The following CACNA2D3 variants were observed in gnomAD, a reference collection of about 807,000 sequenced individuals.
CACNA2D3 encodes voltage-dependent calcium channel subunit alpha-2/delta-3.
In CACNA2D3, 60 loss-of-function variants were observed where a neutral mutation model predicts 160.6. The ratio of observed to expected loss-of-function variants is 0.37; its 90% CI spans 0.30 to 0.46. CACNA2D3 has a LOEUF of 0.46. CACNA2D3 is among the 20% of genes least tolerant of loss of function. The pLI, the probability that CACNA2D3 is intolerant of heterozygous loss-of-function variation, is 1.00. For missense variants in CACNA2D3, 1,205 were observed against 1,365.0 expected, an observed-to-expected ratio of 0.88 and a Z score of 1.85; for synonymous variants, 558 against 492.9, an observed-to-expected ratio of 1.13 and a Z score of -1.75.
rs182795725 is a variant in CACNA2D3, at chr3:54,828,201, T to C, written c.1399-8958T>C. On this transcript the variant is annotated intron_variant, in intron 14 of 37. Coordinates refer to ENST00000474759, the MANE Select transcript of CACNA2D3 (RefSeq NM_018398.3). ...TTGCCTGTGTTTTCAGGGCATCTAC[T>C]TGGAGGTGTCTAAACCACGTTTGTG... 2.4e-4 allele frequency among the ~76,000 whole-genome samples: 37 copies of C among 152,310 alleles called. 1 individual carries two copies. In the East Asian group the frequency reaches 7.2e-3, roughly 29 times the overall value.
intron 27 of CACNA2D3, among the ~76,000 whole-genome samples, chr3:54,904,404 A>C (rs1203202457): frequency 1.3e-5 from 2 of 152,092 alleles, no homozygotes; most frequent in African/African-American, 4.8e-5. Flanking sequence ...CCCCTCCTCA[A>C]ATCGTCTGTC....
At chr3:54,363,948 G>C (rs1392590912) in intron 3 of CACNA2D3, among the ~76,000 whole-genome samples, 1 of 152,280 alleles carries the variant, frequency 6.6e-6, no homozygotes, top group Middle Eastern at 3.4e-3. Flanking sequence ...ATCCCACAGA[G>C]ACTGATGGAC....
intron 4 of CACNA2D3, among the ~76,000 whole-genome samples, chr3:54,497,878 T>C (rs905582636): frequency 6.6e-6 from 1 of 151,962 alleles, no homozygotes; most frequent in Non-Finnish European, 1.5e-5. Context: ...CTTTGTTCTG[T>C]TGATGTGGTG....
chr3:54,694,253 A>G (rs552969780), intron 11 of CACNA2D3, among the ~76,000 whole-genome samples: 1 of 152,220 alleles, frequency 6.6e-6, no homozygotes, highest in African/African-American at 2.4e-5. Context: ...TTCAGTAGTC[A>G]CATGCTGTAC....
chr3:54,626,856 G>A (rs1415727063), intron 9 of CACNA2D3, among the ~76,000 whole-genome samples: 1 of 152,170 alleles, frequency 6.6e-6, no homozygotes, highest in Non-Finnish European at 1.5e-5. Flanking sequence ...CTGGGCATGA[G>A]CCTGAATTCG....
intron 3 of CACNA2D3, among the ~76,000 whole-genome samples, chr3:54,378,935 A>C (rs894191490): frequency 1.3e-5 from 2 of 152,212 alleles, no homozygotes; most frequent in African/African-American, 4.8e-5. Context: ...ACGGGTATTA[A>C]TTTAATCAGC....
intron 35 of CACNA2D3, among the ~76,000 whole-genome samples, chr3:55,029,173 T>C (rs574524881): frequency 6.6e-6 from 1 of 152,264 alleles, no homozygotes; most frequent in East Asian, 1.9e-4. Flanking sequence ...ATGGATCCAT[T>C]GCACAATAGG....
At chr3:54,839,421 A>T (rs1056289026) in intron 16 of CACNA2D3, among the ~76,000 whole-genome samples, 57 of 152,180 alleles carry the variant, frequency 3.7e-4, no homozygotes, top group Non-Finnish European at 1.3e-4. Flanking sequence ...CTCTAAATGT[A>T]GGCATGAGCA....
rs140732966 is a variant in CACNA2D3, at chr3:54,618,352, C to CATATATATATATATAT, written c.964-9428_964-9413dup. Among the ~76,000 whole-genome samples, 89 of 119,884 alleles carry CATATATATATATATAT rather than the reference C, an allele frequency of 7.4e-4. 2 individuals carry two copies. The highest frequency in any genetic ancestry group is 1.5e-3 in the African/African-American group (47 of 31,204). 78.6% of individuals were successfully genotyped at this position (119,884 alleles called of 152,430 possible). A position where few individuals can be genotyped will look rare whatever the true frequency, so the allele number is the denominator to read the frequency against. On this transcript the variant is annotated intron_variant, in intron 9 of 37. Transcript: ENST00000474759. ...AAGTTCAAATTGATGTTGATACATA[C>CATATATATATATATAT]ATATATATATATATATATATATGCA...
At chr3:54,947,288 G>C (rs1575399157) in intron 27 of CACNA2D3, among the ~76,000 whole-genome samples, 1 of 152,080 alleles carries the variant, frequency 6.6e-6, no homozygotes, top group East Asian at 1.9e-4. Context: ...TTTTCCAGTA[G>C]ACCAAGAAAC....
chr3:54,829,885 CTTTTTTTTTTTTTTTT>C (rs58291013), intron 14 of CACNA2D3, among the ~76,000 whole-genome samples: 6 of 64,352 alleles, frequency 9.3e-5, no homozygotes, highest in Non-Finnish European at 1.7e-4. Context: ...TCTTCTTCAT[CTTTTTTTTTTTTTTTT>C]TTTTTTTTTT....
chr3:54,713,379 G>A (rs1278159359), intron 11 of CACNA2D3, among the ~76,000 whole-genome samples: 1 of 152,164 alleles, frequency 6.6e-6, no homozygotes, highest in Non-Finnish European at 1.5e-5. Flanking sequence ...TAACAAGAAT[G>A]AAATAAACTG....
intron 10 of CACNA2D3, among the ~76,000 whole-genome samples, chr3:54,636,134 A>T (rs1422923006): frequency 2.6e-5 from 4 of 151,868 alleles, no homozygotes; most frequent in South Asian, 2.1e-4. Context: ...GATTTCCACG[A>T]TGGAAAGGAA....
Position 54,778,371 on chromosome 3 carries a change from C to T in CACNA2D3, c.1380+14020C>T, listed in dbSNP as rs190460448. 2.2e-3 allele frequency among the ~76,000 whole-genome samples: 331 copies of T among 152,126 alleles called. 3 individuals carry two copies. Among genetic ancestry groups the T allele is most frequent in the Non-Finnish European group, 2.2e-3 (152 of 67,978 alleles). On this transcript the variant is annotated intron_variant, in intron 13 of 37. Coordinates refer to ENST00000474759, the MANE Select transcript of CACNA2D3 (RefSeq NM_018398.3). Reference sequence around the variant, plus strand: ...CTCACACATTTATAGTCTCTAGAACCAGCCCTGTATTCTCTCACACCGAGA... The same window carrying T: ...CTCACACATTTATAGTCTCTAGAACTAGCCCTGTATTCTCTCACACCGAGA...
intron 2 of CACNA2D3, among the ~76,000 whole-genome samples, chr3:54,133,177 T>C (rs902441602): frequency 6.6e-6 from 1 of 152,198 alleles, no homozygotes; most frequent in Non-Finnish European, 1.5e-5. Flanking sequence ...ATAATAATAA[T>C]GATGCAGGCG....
At chr3:54,789,969 A>C (rs1702718143) in intron 13 of CACNA2D3, 1 of 425,070 alleles carries the variant, frequency 2.4e-6, no homozygotes, top group Admixed American at 2.7e-5. Flanking sequence ...ATATGGAGCT[A>C]TTCGAGAAAG....
chr3:54,908,284 A>G (rs1700488024), intron 27 of CACNA2D3, among the ~76,000 whole-genome samples: 1 of 152,210 alleles, frequency 6.6e-6, no homozygotes. Flanking sequence ...ATGACTTAGC[A>G]TCTTTTCGTG....
chr3:54,400,183 G>A (rs901009652), intron 4 of CACNA2D3, among the ~76,000 whole-genome samples: 3 of 146,732 alleles, frequency 2.0e-5, no homozygotes, highest in East Asian at 2.1e-4. Flanking sequence ...ACACACACTG[G>A]CCTGCGCCCA....
At chr3:54,311,536 C>T (rs1703743197) in intron 2 of CACNA2D3, among the ~76,000 whole-genome samples, 1 of 152,196 alleles carries the variant, frequency 6.6e-6, no homozygotes, top group South Asian at 2.1e-4. Context: ...CCGGTCCTTT[C>T]TGTCCCTGGC....
Sources: gnomAD v4.1 joint callset for allele counts (sites outside exome capture counted in the v4.1 genomes callset) on GRCh38, gnomAD v4.1.1 for gene constraint, MANE v1.5 for transcripts, NCBI Gene and HGNC (gene_info 2026-07-23, HGNC 2026-07-21) for gene names.